SYTL4: variants seen among roughly 807,000 people sequenced by gnomAD.
SYTL4 encodes the protein synaptotagmin-like protein 4.
Under a neutral mutation model 52.7 loss-of-function variants are expected in SYTL4, and 16 were observed. That is an observed-to-expected ratio of 0.30 (90% CI 0.21 to 0.46). The LOEUF is 0.46. Ranked by LOEUF, SYTL4 falls within the 20% of genes least tolerant of loss-of-function variation. The probability of loss-of-function intolerance (pLI) is 1.00; values close to 1 mark genes in which losing one functional copy is unlikely to be tolerated. For missense variants in SYTL4, 423 were observed against 519.9 expected, an observed-to-expected ratio of 0.81 and a Z score of 1.81; for synonymous variants, 160 against 186.6, an observed-to-expected ratio of 0.86 and a Z score of 1.16.
chrX:100,688,561 TTC>T (rs2147711364), intron 12 of SYTL4, 118 bp from the exon 13 acceptor site: 7 of 485,089 alleles, frequency 1.4e-5, no homozygotes, highest in South Asian at 8.7e-5. Context: ...GCACACATAC[TTC>T]TTTTTTTTTT....
intron 8 of SYTL4, among the ~76,000 whole-genome samples, 183 bp downstream of exon 8, chrX:100,700,714 T>C (rs1602836888): frequency 8.9e-6 from 1 of 112,396 alleles, no homozygotes; most frequent in South Asian, 3.7e-4. Context: ...TACCAAAATG[T>C]TAATGTCTAC....
At chrX:100,688,225 T>G in intron 13 of SYTL4, 126 bp downstream of exon 13, 2 of 534,744 alleles carry the variant, frequency 3.7e-6, no homozygotes, top group Non-Finnish European at 6.4e-6. Context: ...AACAAACAAA[T>G]GATCTTACTT....
chrX:100,690,014 A>G, intron 11 of SYTL4, 55 bp from the exon 12 acceptor site: 1 of 1,156,688 alleles, frequency 8.6e-7, no homozygotes, highest in East Asian at 3.0e-5. Context: ...CTCCATACCA[A>G]GAGCCCATCA....
At chrX:100,698,540 C>T (rs1291312501) in intron 8 of SYTL4, among the ~76,000 whole-genome samples, 1 of 112,258 alleles carries the variant, frequency 8.9e-6, no homozygotes, top group Non-Finnish European at 1.9e-5. Context: ...CAGACTTCTT[C>T]ACAGTTACAT....
At chrX:100,695,341 T>C (rs1316883748) in intron 8 of SYTL4, among the ~76,000 whole-genome samples, 1 of 111,537 alleles carries the variant, frequency 9.0e-6, no homozygotes, top group Non-Finnish European at 1.9e-5. Context: ...GAAAGATCAT[T>C]TATGGTCACT....
In SYTL4 at chrX:100,686,796, C is replaced by T. The variant is rs919471209; in HGVS notation, c.1185-15G>A. 5.1e-6 allele frequency: 6 copies of T among 1,168,916 alleles called. No individual in the cohort carries two copies. The highest frequency in any genetic ancestry group is 7.0e-6 in the Non-Finnish European group (6 of 857,212). ...TCTTCACATATCTAGAAACCAAAGACAGCACTGAGTAATTTGCTGGCCTTT... is the reference window on the plus strand; with the variant it reads ...TCTTCACATATCTAGAAACCAAAGATAGCACTGAGTAATTTGCTGGCCTTT... On this transcript the variant is annotated splice_polypyrimidine_tract_variant and intron_variant, in intron 14 of 19. Transcript: ENST00000372989.
chrX:100,677,955 G>T (rs906623985), intron 19 of SYTL4, among the ~76,000 whole-genome samples: 9 of 111,884 alleles, frequency 8.0e-5, no homozygotes, highest in African/African-American at 2.9e-4. Flanking sequence ...ACCCCTGGTA[G>T]GTAGGGAGGA....
At position 100,710,896 on chromosome X, in the gene SYTL4, A is replaced by C. The variant is rs933651041; in HGVS notation, c.-239-6010T>G. ...CAGAGGCCTGCAGAAGGTTTCACTC[A>C]AGTGTTTAGCAAAGGACTGATTAGC... On this transcript the variant is annotated intron_variant, in intron 2 of 19. Transcript: ENST00000372989. 7.1e-5 allele frequency among the ~76,000 whole-genome samples: 8 copies of C among 112,367 alleles called. No individual in the cohort carries two copies. The South Asian group carries it at 3.0e-3, about 42-fold the overall frequency.
intron 8 of SYTL4, among the ~76,000 whole-genome samples, chrX:100,694,849 G>A (rs2083672838): frequency 8.9e-6 from 1 of 112,057 alleles, no homozygotes; most frequent in East Asian, 2.8e-4. Context: ...GTTGTCACAT[G>A]ATGTTTGACA....
chrX:100,718,351 T>TTA (rs1313419936), intron 2 of SYTL4, among the ~76,000 whole-genome samples: 1 of 111,798 alleles, frequency 8.9e-6, no homozygotes, highest in Non-Finnish European at 1.9e-5. Context: ...TAAAGGATAT[T>TTA]TATTTATACA....
intron 8 of SYTL4, among the ~76,000 whole-genome samples, chrX:100,700,262 C>T (rs998468509): frequency 9.0e-6 from 1 of 111,727 alleles, no homozygotes; most frequent in African/African-American, 3.3e-5. Context: ...ACCAAAAAAA[C>T]TCCACTAAAA....
chrX:100,699,879 ATGGGG>A (rs1044655082), intron 8 of SYTL4, among the ~76,000 whole-genome samples: 3 of 110,822 alleles, frequency 2.7e-5, no homozygotes, highest in African/African-American at 9.9e-5. Context: ...AATACATATC[ATGGGG>A]TATTATTTGG....
chrX:100,701,159 G>T, intron 7 of SYTL4, 61 bp downstream of exon 7: 1 of 991,643 alleles, frequency 1.0e-6, no homozygotes, highest in Non-Finnish European at 1.4e-6. Flanking sequence ...GAGTTAAGAT[G>T]CTACCAGTCA....
Position 100,687,054 on chromosome X carries a change from C to T in SYTL4, c.1184+13G>A, listed in dbSNP as rs776309418. 7.5e-6 allele frequency: 9 copies of T among 1,204,884 alleles called. No homozygotes were observed. The highest frequency in any genetic ancestry group is 1.0e-5 in the Non-Finnish European group (9 of 892,281). On this transcript the variant is annotated intron_variant, in intron 14 of 19. Coordinates refer to ENST00000372989, the MANE Select transcript of SYTL4 (RefSeq NM_001370165.1). Reference sequence around the variant, plus strand: ...TGGTCTCAGAGCATCAGTCAGGTTCCAGAAGCACTCACGGGTTAGAGCGCT... The same window carrying T: ...TGGTCTCAGAGCATCAGTCAGGTTCTAGAAGCACTCACGGGTTAGAGCGCT...
At chrX:100,713,791 A>C (rs937736752) in intron 2 of SYTL4, among the ~76,000 whole-genome samples, 1 of 111,247 alleles carries the variant, frequency 9.0e-6, no homozygotes, top group Non-Finnish European at 1.9e-5. Context: ...AGAAGAATGA[A>C]CTACTGATAC....
intron 2 of SYTL4, among the ~76,000 whole-genome samples, chrX:100,705,949 A>G (rs1055326933): frequency 2.7e-5 from 3 of 110,492 alleles, no homozygotes; most frequent in African/African-American, 9.9e-5. Context: ...TGAGCCCCAC[A>G]TTGTCTCTTG....
At chrX:100,710,439 G>A (rs753048317) in intron 2 of SYTL4, among the ~76,000 whole-genome samples, 15 of 111,907 alleles carry the variant, frequency 1.3e-4, no homozygotes, top group Non-Finnish European at 2.3e-4. Flanking sequence ...ATTTAGCTAC[G>A]TCAAGAAATG....
intron 8 of SYTL4, among the ~76,000 whole-genome samples, chrX:100,694,015 G>A (rs1031051778): frequency 1.8e-5 from 2 of 112,150 alleles, no homozygotes; most frequent in Non-Finnish European, 3.8e-5. Flanking sequence ...CATATTAGGG[G>A]CTGGGGTAAA....
chrX:100,721,818 T>C (rs764404724), intron 2 of SYTL4, among the ~76,000 whole-genome samples: 9 of 111,087 alleles, frequency 8.1e-5, no homozygotes, highest in Non-Finnish European at 1.7e-4. Flanking sequence ...TCTCTTTTTT[T>C]TTTCTGAGAC....
Sources: allele counts gnomAD v4.1 joint callset (sites outside exome capture counted in the v4.1 genomes callset), GRCh38; gene constraint gnomAD v4.1.1; transcripts MANE v1.5; gene names NCBI Gene and HGNC (gene_info 2026-07-23, HGNC 2026-07-21).